The following CAPN15 variants were observed in gnomAD, a reference collection of about 807,000 sequenced individuals.
CAPN15 encodes the protein calpain 15.
In CAPN15, 53 loss-of-function variants were observed where a neutral mutation model predicts 97.9. The ratio of observed to expected loss-of-function variants is 0.54; its 90% CI spans 0.43 to 0.68. The LOEUF is 0.68. CAPN15 is among the 30% of genes least tolerant of loss of function. The pLI is 0.00. For missense variants in CAPN15, 1,592 were observed against 1,589.8 expected, an observed-to-expected ratio of 1.00 and a Z score of -0.02; for synonymous variants, 922 against 722.5, an observed-to-expected ratio of 1.28 and a Z score of -4.43.
At chr16:534,925 G>A (rs568509639) in intron 2 of CAPN15, among the ~76,000 whole-genome samples, 4 of 152,322 alleles carry the variant, frequency 2.6e-5, no homozygotes, top group Middle Eastern at 3.4e-3. Flanking sequence ...AGCAGGTGCT[G>A]TGTGAGTGGG....
In CAPN15 at chr16:553,824, C is replaced by T. The variant is rs1162656111; in HGVS notation, c.*308C>T. The T allele has an allele frequency of 6.4e-6, 2 of 310,272 alleles. No homozygotes were observed. The highest frequency in any genetic ancestry group is 1.2e-5 in the Non-Finnish European group (2 of 167,794). 19.2% of individuals were successfully genotyped at this position (310,272 alleles called of 1,614,324 possible). A position where few individuals can be genotyped will look rare whatever the true frequency, so the allele number is the denominator to read the frequency against. ...GGGGCCGAGGCCAGGCTGCCCCTCCCTGTGGGCTCAGGGTCTCCTGCGGGC... is the reference window on the plus strand; with the variant it reads ...GGGGCCGAGGCCAGGCTGCCCCTCCTTGTGGGCTCAGGGTCTCCTGCGGGC... On this transcript the variant is annotated 3_prime_UTR_variant, in exon 14 of 14. Transcript: ENST00000219611.
At chr16:546,486 C>T (rs539558730) in intron 3 of CAPN15, among the ~76,000 whole-genome samples, 1 of 152,298 alleles carries the variant, frequency 6.6e-6, no homozygotes, top group South Asian at 2.1e-4. Context: ...TTGGCCGGGA[C>T]CCCCTGCTAT....
intron 1 of CAPN15, among the ~76,000 whole-genome samples, chr16:529,816 G>A (rs912715945): frequency 6.6e-6 from 1 of 152,218 alleles, no homozygotes; most frequent in Non-Finnish European, 1.5e-5. Context: ...TCTGTCCTGG[G>A]TGGCCACTCG....
intron 3 of CAPN15, chr16:540,313 G>T: frequency 4.1e-6 from 4 of 985,492 alleles, no homozygotes; most frequent in Non-Finnish European, 4.8e-6. Flanking sequence ...AGGGGGGCCC[G>T]TCTGGGGAGG....
At chr16:528,568 C>T (rs537967142) in intron 1 of CAPN15, among the ~76,000 whole-genome samples, 6 of 152,214 alleles carry the variant, frequency 3.9e-5, no homozygotes, top group Admixed American at 1.3e-4. Context: ...GCTGCGGCAC[C>T]AGCTGGGAAG....
Position 549,123 on chromosome 16 carries a change from G to A in CAPN15, c.1580G>A (p.Arg527Lys). ...CAGGAGATCAACTGCTCCGTCTTCA[G>A]GGACCACAGGGCCACGTGGTCTGTG... ...RPQEINCSVF[R>K]DHRATWSVFH... The change falls in exon 5 of 14, where the codon AGG becomes AAG. Residue 527 changes from arginine (R) to lysine (K), a missense_variant. Around this residue, in one of 3 missense-constraint regions of CAPN15, gnomAD observed 883 missense variants for 776.6 expected, o/e 1.14. Coordinates refer to ENST00000219611, the MANE Select transcript of CAPN15 (RefSeq NM_005632.3). 3 of 1,612,136 alleles carry A rather than the reference G, an allele frequency of 1.9e-6. No individual in the cohort carries two copies. The Middle Eastern group carries it at 4.9e-4, about 266-fold the overall frequency.
chr16:542,120 A>G (rs1328624616), intron 3 of CAPN15, among the ~76,000 whole-genome samples: 1 of 152,250 alleles, frequency 6.6e-6, no homozygotes, highest in Non-Finnish European at 1.5e-5. Context: ...CGTGCCCTCC[A>G]GATTCATGCA....
intron 3 of CAPN15, among the ~76,000 whole-genome samples, chr16:540,921 A>G (rs1596332927): frequency 1.3e-5 from 2 of 151,884 alleles, no homozygotes; most frequent in South Asian, 4.2e-4. Context: ...GACTGGCTGG[A>G]CCCCACCGAT....
chr16:539,706 G>C (rs1242622606), intron 3 of CAPN15: 2 of 152,386 alleles, frequency 1.3e-5, no homozygotes, highest in Non-Finnish European at 2.9e-5. Flanking sequence ...CGGCCCCCCA[G>C]ATCTTCATCC....
intron 3 of CAPN15, chr16:540,143 A>T: frequency 2.0e-6 from 2 of 985,388 alleles, no homozygotes; most frequent in Non-Finnish European, 2.4e-6. Context: ...GCTGCTGGCC[A>T]GAGGTGACCA....
In CAPN15 at chr16:547,147, G is replaced by T; in HGVS notation, c.309G>T (p.Glu103Asp). 6.4e-7 allele frequency: 1 copy of T among 1,552,268 alleles called. No individual in the cohort carries two copies. Among genetic ancestry groups the T allele is most frequent in the Non-Finnish European group, 8.7e-7 (1 of 1,151,546 alleles). The part of the protein sequence containing the change: ...ILGEPKGSCQ[E>D]EAGPVRTAGL... Reference sequence around the variant, plus strand: ...GGGAGCCCAAGGGCAGCTGCCAGGAGGAAGCAGGTCCAGTGAGGACTGCGG... The same window carrying T: ...GGGAGCCCAAGGGCAGCTGCCAGGATGAAGCAGGTCCAGTGAGGACTGCGG... Residue 103 changes from glutamate (E) to aspartate (D), a missense_variant, in exon 4 of 14, where the codon GAG becomes GAT. Transcript: ENST00000219611.
At chr16:543,281 C>G (rs1160189050) in intron 3 of CAPN15, 1 of 154,718 alleles carries the variant, frequency 6.5e-6, no homozygotes, top group African/African-American at 2.4e-5. Context: ...TCGGGATGGC[C>G]TCTCCAGTCT....
In CAPN15 at chr16:549,044, G is replaced by A; in HGVS notation, c.1501G>A (p.Gly501Ser). ...CTTCCCTCCCGGGCCCGAGTCTGTC[G>A]GCTTCCCCGCGGGTGACAGCGTGCA... ...DSFPPGPESV[G>S]FPAGDSVQQR... The change falls in exon 5 of 14, where the codon GGC (glycine) becomes AGC (serine). Residue 501 changes from glycine to serine, a missense_variant. By Grantham distance (56) the Gly-to-Ser change is moderately conservative. This residue lies in a region of CAPN15 where 883 missense variants were observed against 776.6 expected (regional missense o/e 1.14). Transcript: ENST00000219611. The A allele has an allele frequency of 1.2e-6, 2 of 1,612,780 alleles. No individual in the cohort carries two copies. The highest frequency in any genetic ancestry group is 2.2e-5 in the East Asian group (1 of 44,886).
At chr16:528,812 G>A (rs1463642070) in intron 1 of CAPN15, 1 of 953,482 alleles carries the variant, frequency 1.0e-6, no homozygotes, top group African/African-American at 1.8e-5. Context: ...ACTCCGTTGG[G>A]TGCTGAAGAG....
chr16:553,097 G>T, intron 13 of CAPN15, 56 bp downstream of exon 13: 1 of 906,046 alleles, frequency 1.1e-6, no homozygotes, highest in Non-Finnish European at 1.5e-6. Context: ...CCCCTACCCC[G>T]CTGCACCCAC....
chr16:536,098 C>T lies in CAPN15; in HGVS notation c.-67C>T. 1 of 982,042 alleles carries T rather than the reference C, an allele frequency of 1.0e-6. No homozygotes were observed. Among genetic ancestry groups the T allele is most frequent in the South Asian group, 4.7e-5 (1 of 21,134 alleles). 60.8% of individuals were successfully genotyped at this position (982,042 alleles called of 1,614,324 possible). A position where few individuals can be genotyped will look rare whatever the true frequency, so the allele number is the denominator to read the frequency against. On this transcript the variant is annotated 5_prime_UTR_variant, in exon 3 of 14. Coordinates refer to ENST00000219611, the MANE Select transcript of CAPN15 (RefSeq NM_005632.3). ...CTCGGGGCCACTGCACTGGGTGATT[C>T]ACGTGTGCCCAGGCCCTGAGGTGGG... is the stretch of plus-strand genomic sequence containing the variant.
intron 1 of CAPN15, among the ~76,000 whole-genome samples, chr16:533,280 T>A (rs1229657820): frequency 6.6e-6 from 1 of 151,268 alleles, no homozygotes; most frequent in Non-Finnish European, 1.5e-5. Flanking sequence ...GAGTGAGGAG[T>A]CCATGGTGGG....
At chr16:530,881 A>G (rs1344137417) in intron 1 of CAPN15, among the ~76,000 whole-genome samples, 1 of 152,228 alleles carries the variant, frequency 6.6e-6, no homozygotes, top group Non-Finnish European at 1.5e-5. Flanking sequence ...CGCCCTCCCC[A>G]GAACTCATCC....
At position 547,176 on chromosome 16, in the gene CAPN15, T is replaced by C; in HGVS notation, c.338T>C (p.Leu113Pro). Reference protein sequence around the residue: ...EEAGPVRTAGLVATEPARGQC... With the variant: ...EEAGPVRTAGPVATEPARGQC... ...GCAGGTCCAGTGAGGACTGCGGGGC[T>C]GGTGGCCACGGAGCCCGCCAGGGGG... is the stretch of plus-strand genomic sequence containing the variant. The change falls in exon 4 of 14, where the codon CTG becomes CCG. Residue 113 changes from leucine to proline, a missense_variant. Physicochemically the swap from Leu to Pro is moderately conservative, Grantham distance 98. Transcript: ENST00000219611. 1 of 1,538,472 alleles carries C rather than the reference T, an allele frequency of 6.5e-7. No homozygotes were observed. Among genetic ancestry groups the C allele is most frequent in the Non-Finnish European group, 8.7e-7 (1 of 1,146,902 alleles).
Sources: allele counts gnomAD v4.1 joint callset (sites outside exome capture counted in the v4.1 genomes callset), GRCh38; gene constraint gnomAD v4.1.1; regional missense constraint gnomAD v4.1.1; transcripts MANE v1.5; gene names NCBI Gene and HGNC (gene_info 2026-07-23, HGNC 2026-07-21).